The following TBC1D4 variants were observed in gnomAD, a reference collection of about 807,000 sequenced individuals.
The protein encoded by TBC1D4 is TBC (Tre-2, BUB2, CDC16) domain-containing protein.
TBC1D4 carries 121 observed loss-of-function variants against 142.5 expected under a neutral mutation model. That is an observed-to-expected ratio of 0.85 (90% confidence interval 0.73 to 0.99). TBC1D4 has a LOEUF of 0.99. Among genes scored for constraint, TBC1D4 ranks in the 50% least tolerant of loss-of-function variants. TBC1D4 has a pLI of 0.00. For missense variants in TBC1D4, 1,475 were observed against 1,606.6 expected, an observed-to-expected ratio of 0.92 and a Z score of 1.40; for synonymous variants, 630 against 628.2, an observed-to-expected ratio of 1.00 and a Z score of -0.04.
At chr13:75,422,420 A>C (rs1472901227) in intron 1 of TBC1D4, among the ~76,000 whole-genome samples, 2 of 152,218 alleles carry the variant, frequency 1.3e-5, no homozygotes, top group Non-Finnish European at 2.9e-5. Context: ...AAATCCTTTG[A>C]AAAACACATT....
intron 1 of TBC1D4, among the ~76,000 whole-genome samples, chr13:75,445,975 G>C (rs1246495025): frequency 6.6e-6 from 1 of 151,960 alleles, no homozygotes; most frequent in African/African-American, 2.4e-5. Context: ...GACATCTTTT[G>C]AAAAAAAATT....
At chr13:75,390,409 G>A (rs879692263) in intron 1 of TBC1D4, among the ~76,000 whole-genome samples, 17 of 152,078 alleles carry the variant, frequency 1.1e-4, no homozygotes, top group African/African-American at 2.2e-4. Flanking sequence ...AGAGTGATTA[G>A]GATGTGGAAT....
chr13:75,413,546 T>C (rs1270111214), intron 1 of TBC1D4, among the ~76,000 whole-genome samples: 1 of 152,190 alleles, frequency 6.6e-6, no homozygotes, highest in Non-Finnish European at 1.5e-5. Flanking sequence ...GTGTATTTTA[T>C]GTGTGGCCCA....
intron 1 of TBC1D4, among the ~76,000 whole-genome samples, chr13:75,443,275 G>A (rs746917965): frequency 9.2e-5 from 14 of 152,152 alleles, no homozygotes; most frequent in Non-Finnish European, 1.5e-4. Context: ...ATAAAAATAA[G>A]AATTAGAAAC....
intron 1 of TBC1D4, among the ~76,000 whole-genome samples, chr13:75,467,336 T>C (rs1031867163): frequency 6.6e-6 from 1 of 152,226 alleles, no homozygotes; most frequent in Non-Finnish European, 1.5e-5. Context: ...AATATCTATG[T>C]TTTTGGGTCA....
At position 75,434,624 on chromosome 13, in the gene TBC1D4, A is replaced by C. The variant is rs112524427; in HGVS notation, c.498+46646T>G. On this transcript the variant is annotated intron_variant, in intron 1 of 20. Transcript: ENST00000377636. ...GTTTACCTATGTAACAAACCTTCAC[A>C]TGTACCCCCAAACCGAAAATAAAAG... is the stretch of plus-strand genomic sequence containing the variant. Among the ~76,000 whole-genome samples the C allele has an allele frequency of 2.4e-3, 369 of 152,252 alleles. 1 individual carries two copies. Among genetic ancestry groups the C allele is most frequent in the African/African-American group, 8.6e-3 (358 of 41,544 alleles).
chr13:75,326,505 A>T, intron 9 of TBC1D4, 82 bp from the exon 10 acceptor site: 1 of 1,410,664 alleles, frequency 7.1e-7, no homozygotes, highest in African/African-American at 1.4e-5. Context: ...CAAAAGTGAC[A>T]GTGTGCCTCA....
chr13:75,424,283 A>AG (rs1403727224), intron 1 of TBC1D4, among the ~76,000 whole-genome samples: 2 of 90,040 alleles, frequency 2.2e-5, no homozygotes, highest in Non-Finnish European at 4.2e-5. Flanking sequence ...AAAAAAAAAA[A>AG]AAAAGAAAGA....
intron 1 of TBC1D4, among the ~76,000 whole-genome samples, chr13:75,437,802 C>T (rs1301925023): frequency 6.6e-6 from 1 of 152,126 alleles, no homozygotes. Flanking sequence ...GTTAAGTGCC[C>T]TGACCTTCCC....
intron 15 of TBC1D4, among the ~76,000 whole-genome samples, chr13:75,306,080 C>T (rs1186932322): frequency 6.6e-6 from 1 of 152,146 alleles, no homozygotes; most frequent in Non-Finnish European, 1.5e-5. Flanking sequence ...TGTATCAATG[C>T]ATGCACTTCT....
At chr13:75,451,179 T>C (rs937981342) in intron 1 of TBC1D4, among the ~76,000 whole-genome samples, 2 of 152,208 alleles carry the variant, frequency 1.3e-5, no homozygotes, top group African/African-American at 4.8e-5. Flanking sequence ...GGTAAATCAC[T>C]TAACTTGTTT....
intron 13 of TBC1D4, among the ~76,000 whole-genome samples, chr13:75,311,118 A>G (rs1279314725): frequency 6.6e-6 from 1 of 152,210 alleles, no homozygotes; most frequent in Non-Finnish European, 1.5e-5. Context: ...ATGGTTGCTT[A>G]TATCGCAAGA....
intron 1 of TBC1D4, among the ~76,000 whole-genome samples, chr13:75,390,951 T>C (rs1364968034): frequency 6.6e-6 from 1 of 151,042 alleles, no homozygotes; most frequent in Non-Finnish European, 1.5e-5. Context: ...GTTCTGACCT[T>C]CACATCTAAC....
Position 75,416,494 on chromosome 13 carries a change from T to C in TBC1D4, c.499-53887A>G, listed in dbSNP as rs572420115. Among the ~76,000 whole-genome samples, 3 of 152,330 alleles carry C rather than the reference T, an allele frequency of 2.0e-5. No individual in the cohort carries two copies. The South Asian group carries it at 6.2e-4, about 32-fold the overall frequency. ...TGACAGCTGAGACATCAGCCCCCTC[T>C]CATTTCCAAGCTGCAGTATTCACAG... On this transcript the variant is annotated intron_variant, in intron 1 of 20. Coordinates refer to ENST00000377636, the MANE Select transcript of TBC1D4 (RefSeq NM_014832.5).
At chr13:75,317,819 G>A (rs1010329292) in intron 12 of TBC1D4, among the ~76,000 whole-genome samples, 3 of 152,160 alleles carry the variant, frequency 2.0e-5, no homozygotes, top group Non-Finnish European at 4.4e-5. Flanking sequence ...CCACTCACCA[G>A]TTAATTAAGA....
In TBC1D4 at chr13:75,481,491, A is replaced by C. The variant is rs757513744; in HGVS notation, c.277T>G (p.Cys93Gly). The C allele has an allele frequency of 1.2e-5, 19 of 1,612,074 alleles. No individual in the cohort carries two copies. Among genetic ancestry groups the C allele is most frequent in the South Asian group, 8.8e-5 (8 of 90,956 alleles). The change falls in exon 1 of 21, where the codon TGC becomes GGC. Residue 93 changes from cysteine (C) to glycine (G), a missense_variant. Physicochemically the swap from Cys to Gly is radical, Grantham distance 159. This residue lies in a region of TBC1D4 where 1,227 missense variants were observed against 1,267.7 expected (regional missense o/e 0.97). Coordinates refer to ENST00000377636, the MANE Select transcript of TBC1D4 (RefSeq NM_014832.5). ...ILVLSAPFLRCVPAPGAGASG... is the reference protein window; with the variant it reads ...ILVLSAPFLRGVPAPGAGASG... ...GCCCCAGCGCCCGGCGCGGGGACGC[A>C]ACGCAGGAAGGGCGCGCTGAGCACC...
At position 75,326,334 on chromosome 13, in the gene TBC1D4, G is replaced by A. The variant is rs1879254850; in HGVS notation, c.1896C>T (p.Asp632=). The A allele has an allele frequency of 6.2e-7, 1 of 1,614,018 alleles. No homozygotes were observed. Among genetic ancestry groups the A allele is most frequent in the Non-Finnish European group, 8.5e-7 (1 of 1,180,032 alleles). The part of the protein sequence containing the change: ...AWQTFPEEDS[D]SPQFRRRAHT... Reference sequence around the variant, plus strand: ...GTGCCCGTCTTCGAAACTGCGGGGAGTCGGAATCCTCTTCGGGAAACGTTT... The same window carrying A: ...GTGCCCGTCTTCGAAACTGCGGGGAATCGGAATCCTCTTCGGGAAACGTTT... Residue 632 remains aspartate, a synonymous_variant, in exon 10 of 21, where the codon GAC becomes GAT. Transcript: ENST00000377636.
intron 8 of TBC1D4, among the ~76,000 whole-genome samples, chr13:75,334,958 C>G (rs1480890331): frequency 2.0e-5 from 3 of 152,110 alleles, no homozygotes; most frequent in Admixed American, 2.0e-4. Context: ...CTTCTTCAGT[C>G]CCTGTGTATA....
chr13:75,323,126 T>C (rs1878923985), intron 11 of TBC1D4, among the ~76,000 whole-genome samples: 1 of 152,128 alleles, frequency 6.6e-6, no homozygotes, highest in African/African-American at 2.4e-5. Flanking sequence ...TATATTAACT[T>C]TTAGCATGTA....
Sources: gnomAD v4.1 joint callset for allele counts (sites outside exome capture counted in the v4.1 genomes callset) on GRCh38, gnomAD v4.1.1 for gene constraint, gnomAD v4.1.1 regional missense constraint, MANE v1.5 for transcripts, NCBI Gene and HGNC (gene_info 2026-07-23, HGNC 2026-07-21) for gene names.